The following ENKUR variants were observed in gnomAD, a reference collection of about 807,000 sequenced individuals.
ENKUR encodes enkurin.
A neutral mutation model predicts 27.6 loss-of-function variants in ENKUR; 19 were observed. The observed-to-expected ratio is 0.69, with a 90% CI of 0.48 to 1.01. The LOEUF (loss-of-function observed/expected upper bound fraction) is 1.01, where lower values mean the gene tolerates loss of function less well. Among genes scored for constraint, ENKUR ranks in the 50% least tolerant of loss-of-function variants. The pLI, the probability that ENKUR is intolerant of heterozygous loss-of-function variation, is 0.00. For synonymous variants in ENKUR, 117 were observed against 96.9 expected (o/e 1.21, Z -1.22); for missense variants, 312 against 310.5 (o/e 1.00, Z -0.04).
rs1217736661 is a variant in ENKUR at position 24,999,308 on chromosome 10, C to T, written c.223+93G>A. On this transcript the variant is annotated intron_variant, in intron 2 of 5. Coordinates refer to ENST00000331161, the MANE Select transcript of ENKUR (RefSeq NM_145010.4). ...TTAATATGAGGTAAAGCTGCTATCACCTGTGCATGTTTAATATTCATCAAC... is the reference window on the plus strand; with the variant it reads ...TTAATATGAGGTAAAGCTGCTATCATCTGTGCATGTTTAATATTCATCAAC... The T allele has an allele frequency of 4.0e-6, 5 of 1,247,656 alleles. No individual in the cohort carries two copies. In the Admixed American group the frequency reaches 9.5e-5, roughly 24 times the overall value. The allele number at this position is 1,247,656 out of a possible 1,614,324, so 77.3% of individuals were successfully genotyped here. A position where few individuals can be genotyped will look rare whatever the true frequency, so the allele number is the denominator to read the frequency against.
At chr10:25,033,507 T>A (rs1165661687) in intron 2 of ENKUR, among the ~76,000 whole-genome samples, 1 of 151,488 alleles carries the variant, frequency 6.6e-6, no homozygotes, top group African/African-American at 2.4e-5. Flanking sequence ...AGCCAATTAA[T>A]CCTACATTAG....
chr10:25,010,291 T>C (rs1347857708), intron 1 of ENKUR, among the ~76,000 whole-genome samples: 3 of 152,148 alleles, frequency 2.0e-5, no homozygotes, highest in Admixed American at 6.5e-5. Flanking sequence ...GCCCTAAAGA[T>C]TTGTGGAACT....
At chr10:24,992,455 C>G (rs554860975) in intron 3 of ENKUR, among the ~76,000 whole-genome samples, 1 of 152,272 alleles carries the variant, frequency 6.6e-6, no homozygotes, top group Admixed American at 6.5e-5. Context: ...ACAACACTTT[C>G]CTGTGTTGTC....
intron 2 of ENKUR, chr10:25,023,687 A>C: frequency 6.2e-7 from 1 of 1,614,080 alleles, no homozygotes; most frequent in African/African-American, 1.3e-5. Flanking sequence ...GTATACCTGG[A>C]TGTACCTCTA....
At chr10:25,002,812 T>C (rs1157762201) in intron 1 of ENKUR, among the ~76,000 whole-genome samples, 3 of 152,112 alleles carry the variant, frequency 2.0e-5, no homozygotes, top group Non-Finnish European at 4.4e-5. Context: ...ATGAGCTCAT[T>C]AGATAGTTTC....
At chr10:25,032,790 T>C (rs1299311899) in intron 2 of ENKUR, among the ~76,000 whole-genome samples, 1 of 152,204 alleles carries the variant, frequency 6.6e-6, no homozygotes, top group East Asian at 1.9e-4. Context: ...TGTCAGCTTA[T>C]GACTTTCCTT....
intron 1 of ENKUR, among the ~76,000 whole-genome samples, chr10:25,012,233 C>T (rs1276620816): frequency 6.6e-6 from 1 of 152,232 alleles, no homozygotes; most frequent in Non-Finnish European, 1.5e-5. Context: ...TGCTTCGGGG[C>T]AGAGCCCTCA....
upstream of ENKUR, among the ~76,000 whole-genome samples, chr10:25,018,657 TTG>T (rs1242968593): frequency 4.7e-5 from 5 of 107,488 alleles, no homozygotes; most frequent in Non-Finnish European, 6.3e-5. Flanking sequence ...CAAATGAGAG[TTG>T]TTTTTTTTTT....
At chr10:24,989,822 A>G (rs2132673577) in intron 4 of ENKUR, among the ~76,000 whole-genome samples, 1 of 152,350 alleles carries the variant, frequency 6.6e-6, no homozygotes, top group South Asian at 2.1e-4. Context: ...CAGTATGACT[A>G]TAAAAAGTAC....
upstream of ENKUR, among the ~76,000 whole-genome samples, chr10:25,017,298 G>T (rs1850621867): frequency 6.6e-6 from 1 of 152,240 alleles, no homozygotes; most frequent in South Asian, 2.1e-4. Context: ...ATGCACATGG[G>T]CCTGCCGTAG....
At chr10:25,016,449 A>G (rs2291585), upstream of ENKUR, among the ~76,000 whole-genome samples, 42,440 of 152,108 alleles carry the variant, frequency 0.28, 6,446 homozygotes, top group East Asian at 0.5. Flanking sequence ...GCAGGCCCCA[A>G]TCGCGGTGTG....
intron 3 of ENKUR, among the ~76,000 whole-genome samples, chr10:24,992,703 T>C (rs531141628): frequency 6.7e-4 from 102 of 152,322 alleles, no homozygotes; most frequent in African/African-American, 2.4e-3. Flanking sequence ...ACTTTGTTGC[T>C]TTAAGTTACT....
At chr10:24,998,397 T>TG (rs1318780118) in intron 2 of ENKUR, among the ~76,000 whole-genome samples, 1 of 141,574 alleles carries the variant, frequency 7.1e-6, no homozygotes, top group Non-Finnish European at 1.5e-5. Context: ...TTTTTTGAGA[T>TG]GGGGTCTCAC....
At chr10:25,012,925 A>C (rs931082656) in intron 1 of ENKUR, among the ~76,000 whole-genome samples, 1 of 152,166 alleles carries the variant, frequency 6.6e-6, no homozygotes, top group African/African-American at 2.4e-5. Context: ...TCTCACATTA[A>C]ATTGATGAGA....
At chr10:25,017,144 G>T (rs1228341086), upstream of ENKUR, among the ~76,000 whole-genome samples, 6 of 152,238 alleles carry the variant, frequency 3.9e-5, no homozygotes, top group African/African-American at 1.4e-4. Flanking sequence ...CCTGCTCTTT[G>T]TAAATGAGCA....
At chr10:25,002,333 T>C (rs1280694684) in intron 1 of ENKUR, among the ~76,000 whole-genome samples, 1 of 152,216 alleles carries the variant, frequency 6.6e-6, no homozygotes, top group Non-Finnish European at 1.5e-5. Flanking sequence ...CCTCTCTCTA[T>C]GCAACTCTCC....
In ENKUR at chr10:24,984,303, C is replaced by A. The variant is rs1479806594; in HGVS notation, c.*67G>T. The A allele has an allele frequency of 1.3e-6, 2 of 1,544,338 alleles. No homozygotes were observed. The highest frequency in any genetic ancestry group is 1.8e-6 in the Non-Finnish European group (2 of 1,139,054). On this transcript the variant is annotated 3_prime_UTR_variant, in exon 6 of 6. Transcript: ENST00000331161. Reference sequence around the variant, plus strand: ...ATGTGTTGGAGACAGTTTAGAGTAGCAAGAAGGCACGTGTTACTATTTCCA... The same window carrying A: ...ATGTGTTGGAGACAGTTTAGAGTAGAAAGAAGGCACGTGTTACTATTTCCA...
chr10:25,030,731 A>T (rs10828741), intron 2 of ENKUR, among the ~76,000 whole-genome samples: 37,579 of 152,006 alleles, frequency 0.25, 5,643 homozygotes, highest in East Asian at 0.5. Flanking sequence ...TCTTTTTCCT[A>T]TCTTATATTG....
At chr10:25,035,068 A>C (rs1200588778) in intron 2 of ENKUR, among the ~76,000 whole-genome samples, 1 of 152,226 alleles carries the variant, frequency 6.6e-6, no homozygotes, top group African/African-American at 2.4e-5. Flanking sequence ...AAAGAAAAAA[A>C]ATATAGGAGC....
Sources: allele counts gnomAD v4.1 joint callset (sites outside exome capture counted in the v4.1 genomes callset), GRCh38; gene constraint gnomAD v4.1.1; transcripts MANE v1.5; gene names NCBI Gene and HGNC (gene_info 2026-07-23, HGNC 2026-07-21).